Variants in PTPN3 observed in about 807,000 individuals in gnomAD.
The protein encoded by PTPN3 is tyrosine-protein phosphatase non-receptor type 3.
Under a neutral mutation model 132.7 loss-of-function variants are expected in PTPN3, and 96 were observed. That is an observed-to-expected ratio of 0.72 (90% CI 0.61 to 0.86). PTPN3 has a LOEUF of 0.86. Among genes scored for constraint, PTPN3 ranks in the 40% least tolerant of loss-of-function variants. PTPN3 has a pLI of 0.00. For missense variants in PTPN3, 1,125 were observed against 1,159.6 expected, an observed-to-expected ratio of 0.97 and a Z score of 0.43; for synonymous variants, 398 against 429.0, an observed-to-expected ratio of 0.93 and a Z score of 0.89.
the PTPN3 span, among the ~76,000 whole-genome samples, chr9:109,530,917 T>TTTG: frequency 7.2e-5 from 11 of 152,160 alleles, no homozygotes; most frequent in African/African-American, 1.7e-4. Flanking sequence ...ATTGGGTTGT[T>TTTG]TTGTTGTTGT....
chr9:109,520,574 T>A, the PTPN3 span, among the ~76,000 whole-genome samples: 1 of 152,234 alleles, frequency 6.6e-6, no homozygotes, highest in Non-Finnish European at 1.5e-5. Flanking sequence ...GGGCTTCAAC[T>A]GTTCCCTCAT....
chr9:109,431,220 T>C (rs1482903299), intron 10 of PTPN3, among the ~76,000 whole-genome samples: 1 of 152,254 alleles, frequency 6.6e-6, no homozygotes, highest in Non-Finnish European at 1.5e-5. Flanking sequence ...AAAAGGCTTC[T>C]GTTCACAAAC....
chr9:109,534,264 G>C, the PTPN3 span: 2 of 1,534,202 alleles, frequency 1.3e-6, no homozygotes, highest in South Asian at 1.1e-5. Flanking sequence ...TGGTGTCACC[G>C]GCGCTGAGGG....
At chr9:109,507,512 T>C in the PTPN3 span, among the ~76,000 whole-genome samples, 1 of 152,254 alleles carries the variant, frequency 6.6e-6, no homozygotes, top group African/African-American at 2.4e-5. Context: ...GTTGCACGGA[T>C]GACACACCAC....
At chr9:109,416,447 GTTTC>G (rs1842501617) in intron 14 of PTPN3, among the ~76,000 whole-genome samples, 2 of 139,654 alleles carry the variant, frequency 1.4e-5, no homozygotes, top group African/African-American at 2.6e-5. Context: ...TTGTTTTTTT[GTTTC>G]TTTTTTTTTT....
At position 109,382,372 on chromosome 9, in the gene PTPN3, CGGA is replaced by C. The variant is rs769953615; in HGVS notation, c.2455_2457del (p.Ser819del). ...ACATAGTTTACAAATTCCAGAAAGT[CGGA>C]GGAGTCATCGGGCACACCGTGGTCA... On this transcript the variant is annotated inframe_deletion, in exon 24 of 26. Transcript: ENST00000374541. The C allele has an allele frequency of 2.5e-6, 4 of 1,613,976 alleles. No homozygotes were observed. Among genetic ancestry groups the C allele is most frequent in the Non-Finnish European group, 3.4e-6 (4 of 1,179,982 alleles).
intron 14 of PTPN3, among the ~76,000 whole-genome samples, chr9:109,418,121 G>C (rs1219326981): frequency 6.6e-6 from 1 of 152,212 alleles, no homozygotes; most frequent in Non-Finnish European, 1.5e-5. Context: ...TGTAGGGCAC[G>C]TACTGTTCCC....
At chr9:109,504,194 C>T in the PTPN3 span, among the ~76,000 whole-genome samples, 1 of 152,002 alleles carries the variant, frequency 6.6e-6, no homozygotes, top group African/African-American at 2.4e-5. Context: ...ATACCAAGGC[C>T]CTTGAGGGAG....
At chr9:109,526,549 C>T in the PTPN3 span, among the ~76,000 whole-genome samples, 3 of 152,048 alleles carry the variant, frequency 2.0e-5, no homozygotes, top group Non-Finnish European at 2.9e-5. Flanking sequence ...GTGGCACACA[C>T]CTGTGGTCCC....
intron 1 of PTPN3, among the ~76,000 whole-genome samples, chr9:109,485,842 C>T (rs187086478): frequency 8.5e-5 from 13 of 152,358 alleles, no homozygotes; most frequent in Admixed American, 8.5e-4. Flanking sequence ...CCCCCGACTC[C>T]CATACACCTA....
chr9:109,420,323 C>T (rs1842803594), intron 14 of PTPN3, 101 bp downstream of exon 14: 11 of 1,224,074 alleles, frequency 9.0e-6, no homozygotes, highest in South Asian at 1.7e-5. Context: ...TGGCTGCAGG[C>T]ACCAGCTCTT....
chr9:109,437,017 G>A, intron 8 of PTPN3, 47 bp from the exon 9 acceptor site: 2 of 1,608,610 alleles, frequency 1.2e-6, no homozygotes, highest in Non-Finnish European at 1.7e-6. Context: ...TAAAGAGAGG[G>A]CATTAACTCC....
In PTPN3 at chr9:109,379,517, T is replaced by C. The variant is rs1180132929; in HGVS notation, c.*39A>G. 1.9e-6 allele frequency: 3 copies of C among 1,558,958 alleles called. No individual in the cohort carries two copies. The highest frequency in any genetic ancestry group is 8.8e-7 in the Non-Finnish European group (1 of 1,130,042). On this transcript the variant is annotated 3_prime_UTR_variant, in exon 26 of 26. Coordinates refer to ENST00000374541, the MANE Select transcript of PTPN3 (RefSeq NM_002829.4). ...GTCTGTCCTCCTCTTTCAAGGAGGA[T>C]GCCCTTGGGAAAGAGGAATGAACTT...
intron 17 of PTPN3, among the ~76,000 whole-genome samples, 163 bp from the exon 18 acceptor site, chr9:109,406,781 T>C (rs1189695768): frequency 6.6e-6 from 1 of 152,246 alleles, no homozygotes; most frequent in Non-Finnish European, 1.5e-5. Context: ...CACTGCTATG[T>C]GGACATGGTA....
Position 109,498,020 on chromosome 9 carries a change from G to C in PTPN3, c.-18+199C>G, listed in dbSNP as rs1214130812. Among the ~76,000 whole-genome samples the C allele has an allele frequency of 7.2e-6, 1 of 138,528 alleles. No individual in the cohort carries two copies. Among genetic ancestry groups the C allele is most frequent in the Non-Finnish European group, 1.6e-5 (1 of 63,272 alleles). 90.9% of individuals were successfully genotyped at this position (138,528 alleles called of 152,430 possible). ...GCCCGCGCCCTCCCGCCCCGGCCCC[G>C]CCAGGTGAGCGCAGCGGGGCGCCCC... On this transcript the variant is annotated intron_variant, in intron 1 of 25. Coordinates refer to ENST00000374541, the MANE Select transcript of PTPN3 (RefSeq NM_002829.4). The surrounding 1 kb of genome is among the most constrained non-coding windows in gnomAD (Gnocchi z 4.2).
intron 19 of PTPN3, among the ~76,000 whole-genome samples, chr9:109,393,151 T>C (rs929582802): frequency 6.6e-6 from 1 of 152,200 alleles, no homozygotes; most frequent in African/African-American, 2.4e-5. Context: ...TTCTGGGAAA[T>C]AACTACCCTA....
At chr9:109,400,722 A>G (rs1255823577) in intron 19 of PTPN3, among the ~76,000 whole-genome samples, 3 of 152,222 alleles carry the variant, frequency 2.0e-5, no homozygotes, top group Non-Finnish European at 4.4e-5. Context: ...TCATGCCTAC[A>G]ACTGGGATAA....
At chr9:109,497,731 C>T (rs1035156639) in intron 1 of PTPN3, among the ~76,000 whole-genome samples, 1 of 152,122 alleles carries the variant, frequency 6.6e-6, no homozygotes, top group Non-Finnish European at 1.5e-5. Flanking sequence ...CGTGCCAGGC[C>T]CAGGAAATGC....
chr9:109,416,138 C>T (rs1037787333), intron 14 of PTPN3, among the ~76,000 whole-genome samples: 2 of 152,136 alleles, frequency 1.3e-5, no homozygotes, highest in African/African-American at 4.8e-5. Context: ...TTGGAATTGT[C>T]TATCTTAAGG....
Sources: allele counts gnomAD v4.1 joint callset (sites outside exome capture counted in the v4.1 genomes callset), GRCh38; gene constraint gnomAD v4.1.1; non-coding constraint Gnocchi (gnomAD v3.1); transcripts MANE v1.5; gene names NCBI Gene and HGNC (gene_info 2026-07-23, HGNC 2026-07-21).